The following VWA5B1 variants were observed in gnomAD, a reference collection of about 807,000 sequenced individuals.
The protein encoded by VWA5B1 is von Willebrand factor A domain containing 5B1.
Under a neutral mutation model 118.2 loss-of-function variants are expected in VWA5B1, and 115 were observed. The observed-to-expected ratio is 0.97, with a 90% confidence interval of 0.84 to 1.14. VWA5B1 has a LOEUF of 1.14. Ranked by LOEUF, VWA5B1 falls within the 50% of genes most tolerant of loss-of-function variation. The probability of loss-of-function intolerance (pLI) is 0.00; values close to 1 mark genes in which losing one functional copy is unlikely to be tolerated. For missense variants in VWA5B1, 1,596 were observed against 1,603.8 expected (o/e 1.00, Z 0.08); for synonymous variants, 682 against 658.4 (o/e 1.04, Z -0.55).
chr1:20,306,713 T>C (rs1428691055), intron 1 of VWA5B1, among the ~76,000 whole-genome samples: 2 of 152,156 alleles, frequency 1.3e-5, no homozygotes, highest in Non-Finnish European at 2.9e-5. Context: ...ACAGCAACCA[T>C]TTGGGATTTA....
In VWA5B1 at chr1:20,345,465, G is replaced by A. The variant is rs138628737; in HGVS notation, c.2636G>A (p.Arg879His). 2.5e-4 allele frequency: 383 copies of A among 1,551,058 alleles called. 1 individual carries two copies. The East Asian group carries it at 8.9e-3, about 36-fold the overall frequency. ...GTTTCTCCCTCCACAGGGTCCAACCGCCGCTACCAAGTGAGCGCCTTGCAC... is the reference window on the plus strand; with the variant it reads ...GTTTCTCCCTCCACAGGGTCCAACCACCGCTACCAAGTGAGCGCCTTGCAC... Reference protein sequence around the residue: ...REGEIEQGSNRRYQVSALHTS... With the variant: ...REGEIEQGSNHRYQVSALHTS... Residue 879 changes from arginine to histidine, a missense_variant, in exon 17 of 22, where the codon CGC (arginine) becomes CAC (histidine). Coordinates refer to ENST00000289815, the MANE Select transcript of VWA5B1 (RefSeq NM_001039500.3).
chr1:20,305,265 A>C (rs1231592654), intron 1 of VWA5B1, among the ~76,000 whole-genome samples: 1 of 152,176 alleles, frequency 6.6e-6, no homozygotes, highest in East Asian at 1.9e-4. Context: ...AGTTCAAGGC[A>C]TGGGAGTGGA....
In VWA5B1 at chr1:20,330,347, G is replaced by A; in HGVS notation, c.1422G>A (p.Val474=). The change falls in exon 10 of 22, where the codon GTG becomes GTA. Residue 474 remains valine (V), a synonymous_variant. Coordinates refer to ENST00000289815, the MANE Select transcript of VWA5B1 (RefSeq NM_001039500.3). Reference sequence around the variant, plus strand: ...GCGCTGTCAACAACACAGGGAAGGTGCTGGAGCTGGTGCGAAATCACGCCT... The same window carrying A: ...GCGCTGTCAACAACACAGGGAAGGTACTGGAGCTGGTGCGAAATCACGCCT... ...TDGAVNNTGK[V]LELVRNHAFS... is the part of the protein sequence containing the mutation. 1 of 1,551,794 alleles carries A rather than the reference G, an allele frequency of 6.4e-7. No homozygotes were observed.
At chr1:20,299,555 A>T (rs2872971) in intron 1 of VWA5B1, among the ~76,000 whole-genome samples, 150,999 of 152,312 alleles carry the variant, frequency 0.99, 74,852 homozygotes, top group Middle Eastern at 1. Context: ...AGGCGCCTGA[A>T]GCCCTGCCTG....
intron 13 of VWA5B1, among the ~76,000 whole-genome samples, chr1:20,337,386 C>T (rs1162650512): frequency 1.3e-5 from 2 of 152,126 alleles, no homozygotes; most frequent in African/African-American, 2.4e-5. Context: ...CCTCGGCTTC[C>T]CACAGAGCTG....
At chr1:20,345,321 C>G (rs12086138) in intron 16 of VWA5B1, 135 bp from the exon 17 acceptor site, 51 of 1,132,046 alleles carry the variant, frequency 4.5e-5, no homozygotes, top group African/African-American at 6.4e-5. Context: ...AGTTGGCAAG[C>G]CCTTGATTTT....
At position 20,314,507 on chromosome 1, in the gene VWA5B1, AG is replaced by A. The variant is rs1332310030; in HGVS notation, c.481del (p.Val161SerfsTer51). The A allele has an allele frequency of 6.4e-7, 1 of 1,551,726 alleles. No individual in the cohort carries two copies. Among genetic ancestry groups the A allele is most frequent in the South Asian group, 1.2e-5 (1 of 84,050 alleles). ...ELPTLPSGAV[R>X]VLLPAVCAPT... ...CCCAACGCTGCCCAGCGGGGCTGTG[AG>A]GGTCCTTCTGCCTGCTGTCTGTGCC... On this transcript the variant is annotated frameshift_variant, in exon 4 of 22. Coordinates refer to ENST00000289815, the MANE Select transcript of VWA5B1 (RefSeq NM_001039500.3). LOFTEE classifies it high-confidence loss of function.
chr1:20,355,398 C>T lies in VWA5B1; in HGVS notation c.*1135C>T, dbSNP rs1285184345. On this transcript the variant is annotated 3_prime_UTR_variant, in exon 22 of 22. Transcript: ENST00000289815. ...GAATGGCGTGCTGTGGCCGCAGATA[C>T]CCTAATGGCTGGCATAGAGCTGCCC... Among the ~76,000 whole-genome samples the T allele has an allele frequency of 1.3e-5, 2 of 152,218 alleles. No individual in the cohort carries two copies. The highest frequency in any genetic ancestry group is 4.8e-5 in the African/African-American group (2 of 41,470).
In VWA5B1 at chr1:20,314,512, C is replaced by A. The variant is rs2088944475; in HGVS notation, c.483C>A (p.Val161=). 1.3e-6 allele frequency: 2 copies of A among 1,551,730 alleles called. No individual in the cohort carries two copies. Among genetic ancestry groups the A allele is most frequent in the Non-Finnish European group, 1.7e-6 (2 of 1,146,996 alleles). ...LPTLPSGAVR[V]LLPAVCAPTV... ...CGCTGCCCAGCGGGGCTGTGAGGGT[C>A]CTTCTGCCTGCTGTCTGTGCCCCAA... is the stretch of plus-strand genomic sequence containing the variant. The change falls in exon 4 of 22, where the codon GTC becomes GTA. Residue 161 remains valine, a synonymous_variant. Transcript: ENST00000289815.
Position 20,318,631 on chromosome 1 carries a change from C to G in VWA5B1, c.751C>G (p.Pro251Ala), listed in dbSNP as rs2089104788. 6.4e-7 allele frequency: 1 copy of G among 1,551,168 alleles called. No homozygotes were observed. Among genetic ancestry groups the G allele is most frequent in the Non-Finnish European group, 8.7e-7 (1 of 1,146,732 alleles). The change falls in exon 6 of 22, where the codon CCA becomes GCA. Residue 251 changes from proline to alanine, a missense_variant. By Grantham distance (27) the Pro-to-Ala change is conservative (BLOSUM62 -1). Transcript: ENST00000289815. ...PTHEIRADAAPSARSAKSIII... is the reference protein window; with the variant it reads ...PTHEIRADAAASARSAKSIII... ...TCATGAGATTCGTGCCGACGCCGCC[C>G]CATCTGCCCGCTCGGCCAAGAGCAT...
Position 20,358,378 on chromosome 1 carries a change from C to T in VWA5B1, c.*4115C>T, listed in dbSNP as rs140778397. Among the ~76,000 whole-genome samples, 1,204 of 152,324 alleles carry T rather than the reference C, an allele frequency of 7.9e-3. 13 individuals are homozygous for T. The highest frequency in any genetic ancestry group is 0.024 in the Middle Eastern group (7 of 294). On this transcript the variant is annotated 3_prime_UTR_variant, in exon 22 of 22. Coordinates refer to ENST00000289815, the MANE Select transcript of VWA5B1 (RefSeq NM_001039500.3). ...ATCCTGACTTGCCCTCTGTTAATCC[C>T]TACCCTTATTTGAGGGCCATGCTAC...
At chr1:20,352,835 T>C (rs1307970588) in intron 21 of VWA5B1, among the ~76,000 whole-genome samples, 2 of 152,238 alleles carry the variant, frequency 1.3e-5, no homozygotes, top group African/African-American at 4.8e-5. Context: ...GCACTAGGCA[T>C]GTTTTTACTC....
chr1:20,346,835 T>G (rs1398903142), intron 17 of VWA5B1, among the ~76,000 whole-genome samples: 1 of 152,234 alleles, frequency 6.6e-6, no homozygotes, highest in Non-Finnish European at 1.5e-5. Flanking sequence ...GAAAGAATTG[T>G]GTTTGGAAAT....
intron 1 of VWA5B1, among the ~76,000 whole-genome samples, chr1:20,297,804 CTCCAAACCTCTTGTGTTATT>C (rs772531680): frequency 3.2e-4 from 48 of 152,190 alleles, no homozygotes; most frequent in Non-Finnish European, 6.2e-4. Context: ...GCCCTGGGAG[CTCCAAACCTCTTGTGTTATT>C]TCCCCTCTGA....
intron 11 of VWA5B1, among the ~76,000 whole-genome samples, chr1:20,332,054 G>A (rs2089570234): frequency 6.6e-6 from 1 of 152,098 alleles, no homozygotes; most frequent in Admixed American, 6.6e-5. Context: ...TTTAACAGAA[G>A]GGAAAACTGA....
Position 20,330,227 on chromosome 1 carries a change from C to A in VWA5B1, c.1302C>A (p.Asp434Glu). The change falls in exon 10 of 22, where the codon GAC becomes GAA. Residue 434 changes from aspartate to glutamate, a missense_variant. Asp to Glu is a conservative substitution (Grantham distance 45). Coordinates refer to ENST00000289815, the MANE Select transcript of VWA5B1 (RefSeq NM_001039500.3). ...ATGACATCCAGAGAATGAAGGCCGACATGGGTGGGACCAACATCCTTTCCC... is the reference window on the plus strand; with the variant it reads ...ATGACATCCAGAGAATGAAGGCCGAAATGGGTGGGACCAACATCCTTTCCC... ...ACDDIQRMKA[D>E]MGGTNILSPL... is the part of the protein sequence containing the mutation. The A allele has an allele frequency of 6.4e-7, 1 of 1,551,770 alleles. No individual in the cohort carries two copies. The highest frequency in any genetic ancestry group is 8.7e-7 in the Non-Finnish European group (1 of 1,147,008).
chr1:20,349,511 G>A (rs2090079723), intron 18 of VWA5B1, among the ~76,000 whole-genome samples: 1 of 152,018 alleles, frequency 6.6e-6, no homozygotes, highest in South Asian at 2.1e-4. Context: ...AGCCTCCCGA[G>A]TAGCTGAGAC....
chr1:20,301,709 A>G (rs927329767), intron 1 of VWA5B1, among the ~76,000 whole-genome samples: 3 of 152,238 alleles, frequency 2.0e-5, no homozygotes, highest in Non-Finnish European at 4.4e-5. Flanking sequence ...TCGAAGCCAC[A>G]TAGAGAATTT....
rs1156287375 is a variant in VWA5B1 at position 20,355,600 on chromosome 1, T to C, written c.*1337T>C. ...TGGAGTGAAGCTCCACAGACTTCCCTCGTGGGAAGGCCTTGGAAGCTTAGC... is the reference window on the plus strand; with the variant it reads ...TGGAGTGAAGCTCCACAGACTTCCCCCGTGGGAAGGCCTTGGAAGCTTAGC... On this transcript the variant is annotated 3_prime_UTR_variant, in exon 22 of 22. Coordinates refer to ENST00000289815, the MANE Select transcript of VWA5B1 (RefSeq NM_001039500.3). Among the ~76,000 whole-genome samples the C allele has an allele frequency of 6.6e-6, 1 of 152,198 alleles. No homozygotes were observed. The highest frequency in any genetic ancestry group is 1.5e-5 in the Non-Finnish European group (1 of 68,030).
Sources: gnomAD v4.1 joint callset for allele counts (sites outside exome capture counted in the v4.1 genomes callset) on GRCh38, gnomAD v4.1.1 for gene constraint, MANE v1.5 for transcripts, NCBI Gene and HGNC (gene_info 2026-07-23, HGNC 2026-07-21) for gene names.